Variants in NPR1 observed in about 807,000 individuals in gnomAD.
NPR1 encodes atrial natriuretic peptide receptor 1.
In NPR1, 57 loss-of-function variants were observed where a neutral mutation model predicts 116.9. That is an observed-to-expected ratio of 0.49 (90% CI 0.39 to 0.61). NPR1 has a LOEUF of 0.61. Ranked by LOEUF, NPR1 falls within the 20% of genes least tolerant of loss-of-function variation. The pLI is 0.00. For synonymous variants in NPR1, 555 were observed against 601.6 expected (o/e 0.92, Z 1.13); for missense variants, 1,096 against 1,409.8 (o/e 0.78, Z 3.56).
chr1:153,690,068 A>ATCTCTCTC (rs1189924933), intron 19 of NPR1, 88 bp downstream of exon 19: 15 of 680,296 alleles, frequency 2.2e-5, no homozygotes, highest in African/African-American at 1.9e-4. Context: ...TCGCCCTTTC[A>ATCTCTCTC]TCTCTCTCTC....
chr1:153,693,500 C>A lies in NPR1; in HGVS notation c.*86C>A. ...CAGGCCTCAGCCTCACCCACAGCAG[C>A]CCCATCGCCAAAGGATGGAAGTAAT... On this transcript the variant is annotated 3_prime_UTR_variant, in exon 22 of 22. Coordinates refer to ENST00000368680, the MANE Select transcript of NPR1 (RefSeq NM_000906.4). 3 of 1,214,520 alleles carry A rather than the reference C, an allele frequency of 2.5e-6. No homozygotes were observed. The highest frequency in any genetic ancestry group is 3.5e-6 in the Non-Finnish European group (3 of 857,552). 75.2% of individuals were successfully genotyped at this position (1,214,520 alleles called of 1,614,324 possible).
intron 7 of NPR1, among the ~76,000 whole-genome samples, chr1:153,684,048 A>G (rs1669859581): frequency 6.6e-6 from 1 of 152,200 alleles, no homozygotes; most frequent in Non-Finnish European, 1.5e-5. Flanking sequence ...AAGGAGAGTC[A>G]GAAAGATCCA....
In NPR1 at chr1:153,689,417, T is replaced by C; in HGVS notation, c.2689-36T>C. ...CCACCTGACCCCAGGTGGGGTCCCCTACTTCCTGTCTCTCTTAGCTTCTCT... is the reference window on the plus strand; with the variant it reads ...CCACCTGACCCCAGGTGGGGTCCCCCACTTCCTGTCTCTCTTAGCTTCTCT... On this transcript the variant is annotated intron_variant, in intron 17 of 21. Coordinates refer to ENST00000368680, the MANE Select transcript of NPR1 (RefSeq NM_000906.4). The surrounding 1 kb of genome is among the most constrained non-coding windows in gnomAD (Gnocchi z 5.1). 1.2e-6 allele frequency: 2 copies of C among 1,613,794 alleles called. No homozygotes were observed. The highest frequency in any genetic ancestry group is 1.7e-6 in the Non-Finnish European group (2 of 1,179,694).
chr1:153,682,689 C>A, intron 5 of NPR1, 100 bp downstream of exon 5: 1 of 844,646 alleles, frequency 1.2e-6, no homozygotes, highest in Non-Finnish European at 2.0e-6. Context: ...TATCCTGTAG[C>A]CATTCCACCA....
intron 20 of NPR1, among the ~76,000 whole-genome samples, chr1:153,692,607 G>T (rs1571355004): frequency 6.6e-6 from 1 of 151,666 alleles, no homozygotes; most frequent in Non-Finnish European, 1.5e-5. Context: ...CCGCCTCCCA[G>T]GTTCAAGCGA....
intron 7 of NPR1, 67 bp from the exon 8 acceptor site, chr1:153,684,897 G>C (rs2101733069): frequency 5.0e-6 from 8 of 1,597,700 alleles, no homozygotes; most frequent in African/African-American, 2.7e-5. Context: ...CTGAGGAGGG[G>C]CTGCTGAGCA....
chr1:153,690,137 T>TCA (rs1557966074), intron 19 of NPR1, 147 bp from the exon 20 acceptor site: 56 of 567,590 alleles, frequency 9.9e-5, no homozygotes, highest in Admixed American at 1.6e-4. Context: ...TCTCTCTCTC[T>TCA]CTCTCACACA....
At chr1:153,692,540 G>A (rs1034504625) in intron 20 of NPR1, among the ~76,000 whole-genome samples, 13 of 144,698 alleles carry the variant, frequency 9.0e-5, no homozygotes, top group African/African-American at 2.9e-4. Context: ...ACAGAGTTTC[G>A]CTCTGTCGCC....
chr1:153,688,614 A>G, intron 15 of NPR1: 1 of 421,738 alleles, frequency 2.4e-6, no homozygotes, highest in Non-Finnish European at 4.3e-6. Flanking sequence ...CACCAGGCCC[A>G]GTTCCTCCAG....
intron 4 of NPR1, 87 bp downstream of exon 4, chr1:153,681,926 T>A: frequency 6.6e-7 from 1 of 1,524,688 alleles, no homozygotes. Flanking sequence ...CCTATTGTCC[T>A]GCAGCAGTTA....
At chr1:153,684,194 T>G (rs1161249992) in intron 7 of NPR1, among the ~76,000 whole-genome samples, 2 of 152,042 alleles carry the variant, frequency 1.3e-5, no homozygotes, top group Non-Finnish European at 2.9e-5. Context: ...TGAGCCCTGG[T>G]GTGTGCCAGG....
chr1:153,679,417 C>CT lies in NPR1; in HGVS notation c.309_310insT (p.Leu104SerfsTer89). On this transcript the variant is annotated frameshift_variant, in exon 1 of 22. Transcript: ENST00000368680. LOFTEE classifies it high-confidence loss of function. This position sits in a 1 kb window ranked among gnomAD's most constrained non-coding sequence, Gnocchi z 4.2. ...CCGCAGCGCCCCTGGCCGCGGTGGA[C>CT]CTCAAGTGGGAGCACAACCCCGCTG... The CT allele has an allele frequency of 6.5e-7, 1 of 1,542,658 alleles. No individual in the cohort carries two copies. Among genetic ancestry groups the CT allele is most frequent in the East Asian group, 2.4e-5 (1 of 41,242 alleles).
chr1:153,688,227 T>G lies in NPR1; in HGVS notation c.2417+6T>G, dbSNP rs1557964646. The G allele has an allele frequency of 1.9e-6, 3 of 1,612,344 alleles. No individual in the cohort carries two copies. Among genetic ancestry groups the G allele is most frequent in the Non-Finnish European group, 8.5e-7 (1 of 1,178,928 alleles). The stretch of plus-strand genomic sequence containing the variant: ...ACGTTGCGCAAATTTAACAGGTCCC[T>G]GGTGTTTGTCATGGATCCCCCAGGC... On this transcript the variant is annotated splice_donor_region_variant and intron_variant, in intron 15 of 21. Coordinates refer to ENST00000368680, the MANE Select transcript of NPR1 (RefSeq NM_000906.4).
At chr1:153,685,189 C>T in intron 8 of NPR1, 105 bp downstream of exon 8, 3 of 1,435,108 alleles carry the variant, frequency 2.1e-6, no homozygotes, top group Admixed American at 2.2e-5. Flanking sequence ...CCCAGCTCTG[C>T]TTTCACTTGC....
At chr1:153,684,174 C>T (rs10082235) in intron 7 of NPR1, among the ~76,000 whole-genome samples, 26,414 of 151,920 alleles carry the variant, frequency 0.17, 4,165 homozygotes, top group African/African-American at 0.42. Context: ...CCCATGTTAG[C>T]TGAGGAGGGT....
chr1:153,686,120 C>T lies in NPR1; in HGVS notation c.1681-3C>T, dbSNP rs753643976. 1 of 1,613,848 alleles carries T rather than the reference C, an allele frequency of 6.2e-7. No individual in the cohort carries two copies. Among genetic ancestry groups the T allele is most frequent in the South Asian group, 1.1e-5 (1 of 90,972 alleles). ...ACAGTGACAGTCTCCATTCCATGCC[C>T]AGGGCAACCTCGTGGCTGTGAAACG... is the stretch of plus-strand genomic sequence containing the variant. On this transcript the variant is annotated splice_polypyrimidine_tract_variant and splice_region_variant and intron_variant, in intron 9 of 21. Coordinates refer to ENST00000368680, the MANE Select transcript of NPR1 (RefSeq NM_000906.4).
At position 153,689,658 on chromosome 1, in the gene NPR1, C is replaced by T. The variant is rs776829232; in HGVS notation, c.2757+137C>T. 4.9e-6 allele frequency: 6 copies of T among 1,212,324 alleles called. No individual in the cohort carries two copies. Among genetic ancestry groups the T allele is most frequent in the Non-Finnish European group, 7.0e-6 (6 of 852,282 alleles). 75.1% of individuals were successfully genotyped at this position (1,212,324 alleles called of 1,614,324 possible). ...GGCAGAGACAGTGACACAGGGAGAC[C>T]CGGGAACAGGCAGAGAACCCATGTG... On this transcript the variant is annotated intron_variant, in intron 18 of 21. Coordinates refer to ENST00000368680, the MANE Select transcript of NPR1 (RefSeq NM_000906.4). This position sits in a 1 kb window ranked among gnomAD's most constrained non-coding sequence, Gnocchi z 5.1.
Position 153,678,793 on chromosome 1 carries a change from TTCTCTCTCTC to T in NPR1, c.-302_-293del, listed in dbSNP as rs72446315. On this transcript the variant is annotated 5_prime_UTR_variant, in exon 1 of 22. Transcript: ENST00000368680. This position sits in a 1 kb window ranked among gnomAD's most constrained non-coding sequence, Gnocchi z 5.8. ...TTCACGAAGCGCTCACTCGCACCCT[TTCTCTCTCTC>T]TCTCTCTCTCTCTAACACGCACGCA... 0.013 allele frequency: 4,541 copies of T among 343,130 alleles called. 123 individuals carry two copies. Among genetic ancestry groups the T allele is most frequent in the South Asian group, 0.068 (715 of 10,554 alleles). The allele number at this position is 343,130 out of a possible 1,614,324, so 21.3% of individuals were successfully genotyped here.
intron 11 of NPR1, 47 bp downstream of exon 11, chr1:153,686,797 TCTGCCCCTG>T (rs1298736026): frequency 6.4e-7 from 1 of 1,551,806 alleles, no homozygotes; most frequent in East Asian, 2.2e-5. Context: ...TAGCCCTGGC[TCTGCCCCTG>T]ACTGGCCATA....
Sources: allele counts gnomAD v4.1 joint callset (sites outside exome capture counted in the v4.1 genomes callset), GRCh38; gene constraint gnomAD v4.1.1; non-coding constraint Gnocchi (gnomAD v3.1); transcripts MANE v1.5; gene names NCBI Gene and HGNC (gene_info 2026-07-23, HGNC 2026-07-21).